The following MED27 variants were observed in gnomAD, a reference collection of about 807,000 sequenced individuals.
The protein encoded by MED27 is mediator of RNA polymerase II transcription subunit 27.
In MED27, 30 loss-of-function variants were observed where a neutral mutation model predicts 38.2. That is an observed-to-expected ratio of 0.79 (90% CI 0.59 to 1.07). The LOEUF is 1.07. Ranked by LOEUF, MED27 falls within the 50% of genes least tolerant of loss-of-function variation. MED27 has a pLI of 0.00. For missense variants in MED27, 289 were observed against 397.5 expected (o/e 0.73, Z 2.32); for synonymous variants, 122 against 153.5 (o/e 0.79, Z 1.52).
At chr9:131,969,580 G>A (rs927331371) in intron 3 of MED27, among the ~76,000 whole-genome samples, 4 of 152,100 alleles carry the variant, frequency 2.6e-5, no homozygotes, top group African/African-American at 7.2e-5. Flanking sequence ...GGATAAGCCC[G>A]TTGTGCCCAT....
At chr9:131,894,853 C>T (rs375870816) in intron 4 of MED27, among the ~76,000 whole-genome samples, 63 of 152,154 alleles carry the variant, frequency 4.1e-4, no homozygotes, top group African/African-American at 1.4e-3. Flanking sequence ...GTCAAGGAGG[C>T]GGATCCCTCA....
intron 6 of MED27, chr9:131,869,391 C>T: frequency 2.2e-6 from 2 of 929,408 alleles, no homozygotes; most frequent in Non-Finnish European, 2.5e-6. Context: ...AGGCCTGGGG[C>T]AAAAAAAAAA....
intron 2 of MED27, among the ~76,000 whole-genome samples, chr9:132,048,542 A>G (rs982320884): frequency 6.6e-6 from 1 of 152,184 alleles, no homozygotes; most frequent in African/African-American, 2.4e-5. Flanking sequence ...TAGTAACTAA[A>G]CTGTTCTTTT....
intron 4 of MED27, among the ~76,000 whole-genome samples, chr9:131,922,819 G>A (rs958159756): frequency 3.0e-4 from 45 of 152,048 alleles, no homozygotes; most frequent in African/African-American, 9.7e-4. Context: ...TCGCCATGGT[G>A]GCCAGGCTGG....
chr9:131,953,360 G>A (rs1831035637), intron 3 of MED27, among the ~76,000 whole-genome samples: 2 of 152,156 alleles, frequency 1.3e-5, no homozygotes, highest in South Asian at 4.1e-4. Context: ...TTACTGTCAA[G>A]TTCATATTTG....
chr9:132,068,837 T>TA (rs1833867393), intron 2 of MED27, among the ~76,000 whole-genome samples: 1 of 151,972 alleles, frequency 6.6e-6, no homozygotes, highest in South Asian at 2.1e-4. Flanking sequence ...GTGATGGAGT[T>TA]AGATGTCATT....
intron 3 of MED27, among the ~76,000 whole-genome samples, chr9:131,994,618 G>A (rs1337287392): frequency 6.6e-6 from 1 of 152,214 alleles, no homozygotes; most frequent in African/African-American, 2.4e-5. Flanking sequence ...CTTTGCTAGA[G>A]CAGAACAATA....
intron 3 of MED27, among the ~76,000 whole-genome samples, chr9:131,961,318 C>T (rs950543873): frequency 5.9e-5 from 9 of 152,164 alleles, no homozygotes; most frequent in East Asian, 5.8e-4. Flanking sequence ...GCTGTCTGGG[C>T]GGCGGCTCTG....
At chr9:131,973,959 C>T (rs575745767) in intron 3 of MED27, among the ~76,000 whole-genome samples, 10 of 152,162 alleles carry the variant, frequency 6.6e-5, no homozygotes, top group South Asian at 2.1e-4. Flanking sequence ...GTGATCCACC[C>T]GCCTTGGCCT....
intron 2 of MED27, among the ~76,000 whole-genome samples, chr9:132,068,923 G>A (rs778556224): frequency 1.3e-5 from 2 of 152,102 alleles, no homozygotes; most frequent in African/African-American, 2.4e-5. Context: ...ATAACCCAGC[G>A]GCCTTCTCCC....
chr9:132,004,138 C>T (rs1037046944), intron 3 of MED27, among the ~76,000 whole-genome samples: 4 of 152,138 alleles, frequency 2.6e-5, no homozygotes, highest in African/African-American at 4.8e-5. Flanking sequence ...TTCTCCTGTC[C>T]GCCTAAAGTG....
chr9:132,067,768 G>A (rs1187314606), intron 2 of MED27, among the ~76,000 whole-genome samples: 2 of 152,168 alleles, frequency 1.3e-5, no homozygotes, highest in Non-Finnish European at 2.9e-5. Context: ...CTGGAGCGCA[G>A]TGGTGTGATC....
At chr9:131,908,211 G>A (rs1282977990) in intron 4 of MED27, among the ~76,000 whole-genome samples, 1 of 148,854 alleles carries the variant, frequency 6.7e-6, no homozygotes, top group African/African-American at 2.5e-5. Flanking sequence ...GGGAAGTGAG[G>A]AGCCCCTCTG....
intron 2 of MED27, among the ~76,000 whole-genome samples, chr9:132,064,005 C>G (rs1833753739): frequency 6.6e-6 from 1 of 152,210 alleles, no homozygotes; most frequent in African/African-American, 2.4e-5. Context: ...TCAATGGTCA[C>G]TTCATCATTT....
At chr9:131,866,336 C>A (rs923326972) in intron 6 of MED27, among the ~76,000 whole-genome samples, 3 of 152,232 alleles carry the variant, frequency 2.0e-5, no homozygotes, top group African/African-American at 7.2e-5. Flanking sequence ...GGCAAGGCGT[C>A]GTGCAAATTA....
chr9:132,063,625 A>T (rs1170691566), intron 2 of MED27, among the ~76,000 whole-genome samples: 1 of 152,210 alleles, frequency 6.6e-6, no homozygotes, highest in Non-Finnish European at 1.5e-5. Context: ...GGATAGGGGA[A>T]TGTTGGCCTC....
At chr9:131,868,453 T>A (rs1838772673) in intron 6 of MED27, 1 of 540,088 alleles carries the variant, frequency 1.9e-6, no homozygotes, top group Non-Finnish European at 2.4e-6. Context: ...TAATTTTTTA[T>A]TTTTGTAGAA....
At chr9:132,030,015 G>C (rs1832920215) in intron 2 of MED27, among the ~76,000 whole-genome samples, 1 of 152,206 alleles carries the variant, frequency 6.6e-6, no homozygotes, top group African/African-American at 2.4e-5. Context: ...CACAGAAAAT[G>C]TGAGGATTTC....
chr9:131,922,024 G>A (rs1290814998), intron 4 of MED27, among the ~76,000 whole-genome samples: 3 of 140,666 alleles, frequency 2.1e-5, no homozygotes, highest in East Asian at 2.4e-4. Flanking sequence ...GGCCTGTCAT[G>A]GGGAGGGGGG....
Sources: gnomAD v4.1 joint callset for allele counts (sites outside exome capture counted in the v4.1 genomes callset) on GRCh38, gnomAD v4.1.1 for gene constraint, MANE v1.5 for transcripts, NCBI Gene and HGNC (gene_info 2026-07-23, HGNC 2026-07-21) for gene names.